The following NCK2 variants were observed in gnomAD, a reference collection of about 807,000 sequenced individuals.
The protein encoded by NCK2 is cytoplasmic protein NCK2.
A neutral mutation model predicts 33.9 loss-of-function variants in NCK2; 16 were observed. The ratio of observed to expected loss-of-function variants is 0.47; its 90% confidence interval spans 0.32 to 0.72. The LOEUF is 0.72. Ranked by LOEUF, NCK2 falls within the 30% of genes least tolerant of loss-of-function variation. NCK2 has a pLI of 0.03. For missense variants in NCK2, 418 were observed against 537.3 expected, an observed-to-expected ratio of 0.78 and a Z score of 2.19; for synonymous variants, 273 against 239.9, an observed-to-expected ratio of 1.14 and a Z score of -1.27.
At chr2:105,884,418 T>G (rs188021914) in intron 4 of NCK2, among the ~76,000 whole-genome samples, 9 of 152,364 alleles carry the variant, frequency 5.9e-5, no homozygotes, top group African/African-American at 2.2e-4. Context: ...TCAGCCTCCC[T>G]GCAGGACTCA....
At chr2:105,746,205 A>G (rs1400403884) in intron 1 of NCK2, among the ~76,000 whole-genome samples, 1 of 152,236 alleles carries the variant, frequency 6.6e-6, no homozygotes, top group Non-Finnish European at 1.5e-5. Context: ...CCAAGTTTGC[A>G]TCTGCATAAT....
At chr2:105,768,522 A>G (rs939813231) in intron 1 of NCK2, among the ~76,000 whole-genome samples, 13 of 152,194 alleles carry the variant, frequency 8.5e-5, no homozygotes, top group African/African-American at 3.1e-4. Context: ...AGGTTCCATA[A>G]TTTGCCAGGA....
intron 2 of NCK2, among the ~76,000 whole-genome samples, chr2:105,826,063 G>T (rs550143851): frequency 5.3e-5 from 8 of 152,286 alleles, no homozygotes; most frequent in African/African-American, 1.9e-4. Flanking sequence ...CTGCAATAAA[G>T]AACTATGCGA....
At chr2:105,746,137 G>A (rs1360681453) in intron 1 of NCK2, among the ~76,000 whole-genome samples, 4 of 152,208 alleles carry the variant, frequency 2.6e-5, no homozygotes, top group Non-Finnish European at 4.4e-5. Flanking sequence ...ATTCAGGTTG[G>A]CAGATTCCTC....
intron 3 of NCK2, among the ~76,000 whole-genome samples, chr2:105,859,769 G>A (rs550873344): frequency 6.6e-6 from 1 of 152,306 alleles, no homozygotes; most frequent in Non-Finnish European, 1.5e-5. Context: ...GCAGTGAAAA[G>A]CAACACTTGG....
intron 2 of NCK2, among the ~76,000 whole-genome samples, chr2:105,833,307 G>A (rs2104528250): frequency 6.6e-6 from 1 of 152,172 alleles, no homozygotes; most frequent in Non-Finnish European, 1.5e-5. Context: ...TTGTTGGCCA[G>A]GCTGATCTCG....
chr2:105,783,750 C>G (rs1189899631), intron 1 of NCK2, among the ~76,000 whole-genome samples: 1 of 151,944 alleles, frequency 6.6e-6, no homozygotes, highest in Non-Finnish European at 1.5e-5. Flanking sequence ...GACCTCCACT[C>G]TTTCCAAGAG....
intron 2 of NCK2, among the ~76,000 whole-genome samples, chr2:105,819,225 C>T (rs1199120191): frequency 6.6e-6 from 1 of 151,942 alleles, no homozygotes; most frequent in African/African-American, 2.4e-5. Flanking sequence ...CTCTTCCAGA[C>T]CTTGTGCAAG....
At chr2:105,828,761 T>C (rs1250481746) in intron 2 of NCK2, among the ~76,000 whole-genome samples, 1 of 152,222 alleles carries the variant, frequency 6.6e-6, no homozygotes, top group Non-Finnish European at 1.5e-5. Flanking sequence ...TGCTGCTGTG[T>C]TGACCTCTTA....
At chr2:105,828,068 A>C (rs946679876) in intron 2 of NCK2, among the ~76,000 whole-genome samples, 1 of 152,190 alleles carries the variant, frequency 6.6e-6, no homozygotes, top group East Asian at 1.9e-4. Context: ...TTTCCTGTGA[A>C]CCTATACTTA....
At chr2:105,869,063 G>A (rs571633143) in intron 3 of NCK2, among the ~76,000 whole-genome samples, 1 of 152,256 alleles carries the variant, frequency 6.6e-6, no homozygotes, top group Non-Finnish European at 1.5e-5. Flanking sequence ...ATCCAGCCCC[G>A]CTGCCCACCC....
chr2:105,880,603 T>C (rs887645566), intron 3 of NCK2, among the ~76,000 whole-genome samples: 2 of 152,196 alleles, frequency 1.3e-5, no homozygotes, highest in Middle Eastern at 3.4e-3. Context: ...GGTCTTAGAG[T>C]TCTAACGGGT....
At chr2:105,790,300 T>C (rs138152652) in intron 1 of NCK2, among the ~76,000 whole-genome samples, 195 of 152,344 alleles carry the variant, frequency 1.3e-3, no homozygotes, top group African/African-American at 4.3e-3. Flanking sequence ...TTGCCCACCA[T>C]CTATTTTTAG....
chr2:105,749,062 A>G (rs1332507173), intron 1 of NCK2, among the ~76,000 whole-genome samples: 1 of 152,214 alleles, frequency 6.6e-6, no homozygotes, highest in Non-Finnish European at 1.5e-5. Context: ...AAACAACAAC[A>G]GCAACAACAA....
At chr2:105,819,711 C>G (rs1675649909) in intron 2 of NCK2, among the ~76,000 whole-genome samples, 1 of 152,198 alleles carries the variant, frequency 6.6e-6, no homozygotes, top group African/African-American at 2.4e-5. Context: ...AATATCTACC[C>G]ATGTAATTTT....
intron 2 of NCK2, among the ~76,000 whole-genome samples, chr2:105,840,092 T>TTC (rs1676583304): frequency 6.6e-6 from 1 of 152,158 alleles, no homozygotes; most frequent in Admixed American, 6.5e-5. Flanking sequence ...AGGAGACAGC[T>TTC]TCTGGTAGAG....
At chr2:105,784,514 T>C (rs1242382278) in intron 1 of NCK2, among the ~76,000 whole-genome samples, 1 of 152,252 alleles carries the variant, frequency 6.6e-6, no homozygotes, top group Non-Finnish European at 1.5e-5. Flanking sequence ...GTGTTTCCAC[T>C]ATGTGGAGCC....
chr2:105,821,953 G>A (rs780388044), intron 2 of NCK2, among the ~76,000 whole-genome samples: 3 of 151,376 alleles, frequency 2.0e-5, no homozygotes, highest in Non-Finnish European at 4.4e-5. Flanking sequence ...ACACATGATG[G>A]TGGTGACATG....
At chr2:105,762,098 G>A (rs753635815) in intron 1 of NCK2, among the ~76,000 whole-genome samples, 7 of 152,158 alleles carry the variant, frequency 4.6e-5, no homozygotes, top group African/African-American at 1.2e-4. Flanking sequence ...AAGGACTTTC[G>A]CTTTGCTAGA....
Sources: gnomAD v4.1 joint callset for allele counts (sites outside exome capture counted in the v4.1 genomes callset) on GRCh38, gnomAD v4.1.1 for gene constraint, MANE v1.5 for transcripts, NCBI Gene and HGNC (gene_info 2026-07-23, HGNC 2026-07-21) for gene names.